PMEPA1: variants seen among roughly 807,000 people sequenced by gnomAD.
PMEPA1 encodes the protein prostate transmembrane protein, androgen induced 1, also known as protein TMEPAI.
In PMEPA1, 11 loss-of-function variants were observed where a neutral mutation model predicts 23.0. That is an observed-to-expected ratio of 0.48 (90% CI 0.30 to 0.79). The LOEUF (loss-of-function observed/expected upper bound fraction) is 0.79, where lower values mean the gene tolerates loss of function less well. Among genes scored for constraint, PMEPA1 ranks in the 30% least tolerant of loss-of-function variants. The probability of loss-of-function intolerance (pLI) is 0.06; values close to 1 mark genes in which losing one functional copy is unlikely to be tolerated. For synonymous variants in PMEPA1, 204 were observed against 166.4 expected, an observed-to-expected ratio of 1.23 and a Z score of -1.74; for missense variants, 377 against 390.9, an observed-to-expected ratio of 0.96 and a Z score of 0.30.
At chr20:57,698,057 G>A (rs2071964381) in intron 1 of PMEPA1, among the ~76,000 whole-genome samples, 1 of 152,150 alleles carries the variant, frequency 6.6e-6, no homozygotes. Flanking sequence ...AACATTCTCT[G>A]CATCTGTGGC....
chr20:57,710,180 C>A (rs988054760), upstream of PMEPA1: 2 of 529,908 alleles, frequency 3.8e-6, no homozygotes, highest in Non-Finnish European at 5.7e-6. Context: ...AGGCGGCCCA[C>A]GTAGACCCGG....
At chr20:57,691,621 A>C (rs1013666567) in intron 1 of PMEPA1, among the ~76,000 whole-genome samples, 2 of 152,036 alleles carry the variant, frequency 1.3e-5, no homozygotes, top group Non-Finnish European at 2.9e-5. Flanking sequence ...CCCGAAGAAA[A>C]TCATTACTCT....
chr20:57,669,354 T>A (rs2071537177), intron 1 of PMEPA1, among the ~76,000 whole-genome samples: 1 of 151,872 alleles, frequency 6.6e-6, no homozygotes, highest in African/African-American at 2.4e-5. Flanking sequence ...ACAGACGGGG[T>A]TTCACCATGT....
intron 1 of PMEPA1, among the ~76,000 whole-genome samples, chr20:57,689,762 A>T (rs568938055): frequency 6.6e-6 from 1 of 151,882 alleles, no homozygotes; most frequent in South Asian, 2.1e-4. Flanking sequence ...CCTGCCTCCT[A>T]CTCACCCTCT....
intron 1 of PMEPA1, among the ~76,000 whole-genome samples, chr20:57,703,499 C>T (rs1600676547): frequency 6.6e-6 from 1 of 152,220 alleles, no homozygotes. Context: ...CTCTGTCCAC[C>T]AAGCCTGGCA....
At chr20:57,694,089 C>T (rs866959958) in intron 1 of PMEPA1, among the ~76,000 whole-genome samples, 1 of 152,376 alleles carries the variant, frequency 6.6e-6, no homozygotes, top group East Asian at 1.9e-4. Context: ...GGCAACATGA[C>T]CCTGTGACCT....
intron 1 of PMEPA1, among the ~76,000 whole-genome samples, chr20:57,680,394 G>A (rs2071696679): frequency 1.3e-5 from 2 of 152,158 alleles, no homozygotes; most frequent in Non-Finnish European, 1.5e-5. Flanking sequence ...AACACTTGTG[G>A]TTGCCACAAC....
At chr20:57,706,912 G>A (rs1368037177) in intron 1 of PMEPA1, among the ~76,000 whole-genome samples, 1 of 152,216 alleles carries the variant, frequency 6.6e-6, no homozygotes, top group Non-Finnish European at 1.5e-5. Context: ...GCCCGGTCCA[G>A]CCTGAAGACC....
intron 1 of PMEPA1, among the ~76,000 whole-genome samples, chr20:57,696,960 C>T (rs1479731481): frequency 6.6e-6 from 1 of 152,234 alleles, no homozygotes; most frequent in Non-Finnish European, 1.5e-5. Flanking sequence ...CAGCCATGCT[C>T]TTCGGGGAGG....
At chr20:57,654,517 G>T (rs940250380) in intron 2 of PMEPA1, among the ~76,000 whole-genome samples, 17 of 152,096 alleles carry the variant, frequency 1.1e-4, no homozygotes, top group African/African-American at 4.1e-4. Context: ...CCTTAAGGAG[G>T]TCTTAACTGC....
At chr20:57,675,308 G>A (rs10211744) in intron 1 of PMEPA1, among the ~76,000 whole-genome samples, 2,226 of 152,240 alleles carry the variant, frequency 0.015, 65 homozygotes, top group African/African-American at 0.051. Context: ...TACCCACCCC[G>A]AAAAGCAGCC....
intron 2 of PMEPA1, among the ~76,000 whole-genome samples, chr20:57,653,936 A>G (rs995740429): frequency 3.7e-4 from 57 of 152,190 alleles, no homozygotes; most frequent in Middle Eastern, 3.4e-3. Context: ...TGAGCCCATC[A>G]TTACTGATGT....
rs1354964954 is a variant in PMEPA1 at position 57,677,259 on chromosome 20, C to T, written c.110-17562G>A. ...TGTGTCTCCACTTCCTTGTCTGTAC[C>T]ATGGAGTGAACTATGGCCCCGTCTC... On this transcript the variant is annotated intron_variant, in intron 1 of 3. Transcript: ENST00000341744. Among the ~76,000 whole-genome samples the T allele has an allele frequency of 3.3e-5, 5 of 152,292 alleles. No individual in the cohort carries two copies. The East Asian group carries it at 9.6e-4, about 29-fold the overall frequency.
chr20:57,710,033 C>A, upstream of PMEPA1: 2 of 998,564 alleles, frequency 2.0e-6, no homozygotes, highest in Non-Finnish European at 2.4e-6. Context: ...CTAGACGGGG[C>A]TGCCGGTTCC....
intron 1 of PMEPA1, among the ~76,000 whole-genome samples, chr20:57,672,099 C>G (rs2071576665): frequency 6.6e-6 from 1 of 152,252 alleles, no homozygotes; most frequent in Admixed American, 6.5e-5. Context: ...GGGGCTATCC[C>G]TTTTACTTTT....
intron 1 of PMEPA1, among the ~76,000 whole-genome samples, chr20:57,670,205 T>TC (rs1253572026): frequency 1.4e-3 from 69 of 50,654 alleles, no homozygotes; most frequent in Middle Eastern, 8.8e-3. Flanking sequence ...AGGGGTGGGG[T>TC]GGGGGGGGTA....
At chr20:57,667,411 C>T (rs569545932) in intron 1 of PMEPA1, among the ~76,000 whole-genome samples, 39 of 152,232 alleles carry the variant, frequency 2.6e-4, no homozygotes, top group African/African-American at 4.6e-4. Context: ...GGAGGTGCGG[C>T]GGCGACTGAG....
intron 1 of PMEPA1, among the ~76,000 whole-genome samples, chr20:57,698,282 C>T (rs1016816510): frequency 2.0e-5 from 3 of 152,160 alleles, no homozygotes; most frequent in Non-Finnish European, 4.4e-5. Context: ...ATGTAATTGA[C>T]ACCCTCTCCA....
In PMEPA1 at chr20:57,683,554, C is replaced by CGTGTGTGTGTGT. The variant is rs11467205; in HGVS notation, c.110-23869_110-23858dup. Among the ~76,000 whole-genome samples, 55 of 106,424 alleles carry CGTGTGTGTGTGT rather than the reference C, an allele frequency of 5.2e-4. No individual in the cohort carries two copies. The highest frequency in any genetic ancestry group is 3.0e-3 in the East Asian group (15 of 4,950). The allele number at this position is 106,424 out of a possible 152,430, so 69.8% of individuals were successfully genotyped here. Reference sequence around the variant, plus strand: ...CGGTGGTGGTGTTCTGGCCTGTGTGCGTGTGTGTGTGTGTGTGTGTGTGTG... The same window carrying CGTGTGTGTGTGT: ...CGGTGGTGGTGTTCTGGCCTGTGTGCGTGTGTGTGTGTGTGTGTGTGTGTGTGTGTGTGTGTG... On this transcript the variant is annotated intron_variant, in intron 1 of 3. Transcript: ENST00000341744. The surrounding 1 kb of genome is among the most constrained non-coding windows in gnomAD (Gnocchi z 4.3).
Sources: gnomAD v4.1 joint callset for allele counts (sites outside exome capture counted in the v4.1 genomes callset) on GRCh38, gnomAD v4.1.1 for gene constraint, Gnocchi (gnomAD v3.1) non-coding constraint, MANE v1.5 for transcripts, NCBI Gene and HGNC (gene_info 2026-07-23, HGNC 2026-07-21) for gene names.